Variants in STRC observed in about 807,000 individuals in gnomAD.
The protein encoded by STRC is stereocilin.
A neutral mutation model predicts 103.5 loss-of-function variants in STRC; 43 were observed. The ratio of observed to expected loss-of-function variants is 0.42; its 90% confidence interval spans 0.33 to 0.54. The LOEUF is 0.54. Among genes scored for constraint, STRC ranks in the 20% least tolerant of loss-of-function variants. STRC has a pLI of 0.14. For synonymous variants in STRC, 186 were observed against 442.3 expected, an observed-to-expected ratio of 0.42 and a Z score of 7.27; for missense variants, 499 against 1,088.5, an observed-to-expected ratio of 0.46 and a Z score of 7.62.
intron 18 of STRC, among the ~76,000 whole-genome samples, chr15:43,606,999 C>CAA (rs1366473498): frequency 2.3e-3 from 146 of 62,250 alleles, no homozygotes; most frequent in Non-Finnish European, 4.3e-3. Context: ...AACTCTGTCT[C>CAA]AAAAAAAAAA....
At chr15:43,602,680 T>G (rs1352713723) in intron 23 of STRC, 1 of 146,672 alleles carries the variant, frequency 6.8e-6, no homozygotes, top group African/African-American at 2.6e-5. Context: ...AGTCTTGCTC[T>G]GTCACCCAGG....
At position 43,600,568 on chromosome 15, in the gene STRC, C is replaced by T. The variant is rs200327107; in HGVS notation, c.4959G>A (p.Gly1653=). Residue 1653 remains glycine, a synonymous_variant, in exon 26 of 29, where the codon GGG becomes GGA. Transcript: ENST00000450892. ...PGGFGPISNW[G]PEIFTEIGTI... ...TGCCAATTTCAGTGAAGATCTCAGG[C>T]CCCCAGTTACTGATTGGGCCAAACC... 4 of 1,613,266 alleles carry T rather than the reference C, an allele frequency of 2.5e-6. No homozygotes were observed. The highest frequency in any genetic ancestry group is 2.5e-6 in the Non-Finnish European group (3 of 1,179,780).
At chr15:43,601,224 A>C (rs1413283576) in intron 24 of STRC, among the ~76,000 whole-genome samples, 172 bp downstream of exon 24, 1 of 151,908 alleles carries the variant, frequency 6.6e-6, no homozygotes, top group Non-Finnish European at 1.5e-5. Context: ...CCAGGGCCTC[A>C]GAGTGAATAA....
rs1475067342 is a variant in STRC at position 43,607,988 on chromosome 15, A to G, written c.3682-13T>C. 3 of 1,610,944 alleles carry G rather than the reference A, an allele frequency of 1.9e-6. No individual in the cohort carries two copies. The highest frequency in any genetic ancestry group is 2.5e-6 in the Non-Finnish European group (3 of 1,179,492). Reference sequence around the variant, plus strand: ...AGATACAGGCCCTCTGTAGGGAAGCAGTGTGAGGCCAGAGCAGAACATAGG... The same window carrying G: ...AGATACAGGCCCTCTGTAGGGAAGCGGTGTGAGGCCAGAGCAGAACATAGG... On this transcript the variant is annotated splice_polypyrimidine_tract_variant and intron_variant, in intron 17 of 28. Transcript: ENST00000450892.
Position 43,604,976 on chromosome 15 carries a change from C to A in STRC, c.3931-130G>T, listed in dbSNP as rs2085701666. 3.6e-6 allele frequency: 5 copies of A among 1,401,640 alleles called. No individual in the cohort carries two copies. The East Asian group carries it at 1.2e-4, about 35-fold the overall frequency. 86.8% of individuals were successfully genotyped at this position (1,401,640 alleles called of 1,614,324 possible). On this transcript the variant is annotated intron_variant, in intron 19 of 28. Transcript: ENST00000450892. ...GCTCAGCACCCTATGATGCTCACTA[C>A]CTTTGTTCACTTCCTTAAGCAATGA...
In STRC at chr15:43,603,889, T is replaced by C. The variant is rs1595958779; in HGVS notation, c.4375+107A>G. 4.4e-6 allele frequency: 7 copies of C among 1,573,662 alleles called. No homozygotes were observed. In the East Asian group the frequency reaches 6.8e-5, roughly 15 times the overall value. On this transcript the variant is annotated intron_variant, in intron 22 of 28. Coordinates refer to ENST00000450892, the MANE Select transcript of STRC (RefSeq NM_153700.2). ...AAGATCATCCCTCTAAACTCTTTGCTTTATAAATTAGAAAACCCAGTCCCA... is the reference window on the plus strand; with the variant it reads ...AAGATCATCCCTCTAAACTCTTTGCCTTATAAATTAGAAAACCCAGTCCCA...
In STRC at chr15:43,604,800, C is replaced by A. The variant is rs2085700366; in HGVS notation, c.3977G>T (p.Gly1326Val). 1 of 1,613,120 alleles carries A rather than the reference C, an allele frequency of 6.2e-7. No individual in the cohort carries two copies. The highest frequency in any genetic ancestry group is 8.5e-7 in the Non-Finnish European group (1 of 1,179,510). Residue 1326 changes from glycine (G) to valine (V), a missense_variant, in exon 20 of 29, where the codon GGC becomes GTC. By Grantham distance (109) the Gly-to-Val change is moderately radical. Coordinates refer to ENST00000450892, the MANE Select transcript of STRC (RefSeq NM_153700.2). ...PVSGEVLETLGPLVGFLGTES... is the reference protein window; with the variant it reads ...PVSGEVLETLVPLVGFLGTES... ...TGTCCCCAGGAATCCAACCAAAGGG[C>A]CTAAGGTCTCCAGCACTTCCCCTGA...
In STRC at chr15:43,604,069, C is replaced by T; in HGVS notation, c.4302G>A (p.Arg1434=). 2.5e-6 allele frequency: 4 copies of T among 1,613,354 alleles called. No homozygotes were observed. The highest frequency in any genetic ancestry group is 2.2e-5 in the East Asian group (1 of 44,860). ...CTTTCTTGGCAGCAAGCTGTGGCTC[C>T]CTACACAGCTGTCCAACTCTGCTCT... ...WEQSRVGQLC[R]EPQLAAKKAA... The change falls in exon 22 of 29, where the codon AGG becomes AGA. Residue 1434 remains arginine (R), a synonymous_variant. Transcript: ENST00000450892.
intron 16 of STRC, among the ~76,000 whole-genome samples, chr15:43,608,544 G>A: frequency 7.2e-6 from 1 of 138,940 alleles, no homozygotes; most frequent in Non-Finnish European, 1.6e-5. Flanking sequence ...TGGCCAAAAT[G>A]GTGAAACCCC....
At chr15:43,603,671 G>A in intron 22 of STRC, 1 of 631,364 alleles carries the variant, frequency 1.6e-6, no homozygotes, top group Non-Finnish European at 2.7e-6. Flanking sequence ...TTTGAACCCA[G>A]TTCTCCAGCC....
intron 23 of STRC, 62 bp from the exon 24 acceptor site, chr15:43,601,613 G>C: frequency 6.4e-7 from 1 of 1,569,288 alleles, no homozygotes; most frequent in East Asian, 2.2e-5. Context: ...ATACTGCTGG[G>C]TTTTAAGTCT....
Position 43,609,345 on chromosome 15 carries a change from A to G in STRC, c.3499-11T>C. The G allele has an allele frequency of 1.2e-6, 2 of 1,606,242 alleles. No homozygotes were observed. The highest frequency in any genetic ancestry group is 1.7e-6 in the Non-Finnish European group (2 of 1,177,352). Reference sequence around the variant, plus strand: ...CCAGAGAAACTGTGCCTACAAGAGAAAGAAAGACGAGCCCCTTCCCAGAAG... The same window carrying G: ...CCAGAGAAACTGTGCCTACAAGAGAGAGAAAGACGAGCCCCTTCCCAGAAG... On this transcript the variant is annotated splice_polypyrimidine_tract_variant and intron_variant, in intron 15 of 28. Coordinates refer to ENST00000450892, the MANE Select transcript of STRC (RefSeq NM_153700.2).
rs2085670473 is a variant in STRC at position 43,601,723 on chromosome 15, G to T, written c.4546-172C>A. On this transcript the variant is annotated intron_variant, in intron 23 of 28. Coordinates refer to ENST00000450892, the MANE Select transcript of STRC (RefSeq NM_153700.2). ...ACCGTTGCCTTACAGTTCCTCTAAGGTGTTTTGAAAGACATTACAATCAGT... is the reference window on the plus strand; with the variant it reads ...ACCGTTGCCTTACAGTTCCTCTAAGTTGTTTTGAAAGACATTACAATCAGT... 12 of 684,762 alleles carry T rather than the reference G, an allele frequency of 1.8e-5. No individual in the cohort carries two copies. The South Asian group carries it at 1.9e-4, about 11-fold the overall frequency. The allele number at this position is 684,762 out of a possible 1,614,324, so 42.4% of individuals were successfully genotyped here. A position where few individuals can be genotyped will look rare whatever the true frequency, so the allele number is the denominator to read the frequency against.
In STRC at chr15:43,617,026, AAT is replaced by A. The variant is rs2141530995; in HGVS notation, c.876-338_876-337del. ...TGTTAGGAAATCTGCTCAGCAACTC[AAT>A]ATGTCTAACTACTGTCTGGCATTGT... On this transcript the variant is annotated intron_variant, in intron 3 of 28. Transcript: ENST00000450892. Among the ~76,000 whole-genome samples the A allele has an allele frequency of 2.0e-5, 3 of 152,138 alleles. No homozygotes were observed. The East Asian group carries it at 5.8e-4, about 29-fold the overall frequency.
intron 15 of STRC, 30 bp from the exon 16 acceptor site, chr15:43,609,364 C>T: frequency 6.3e-7 from 1 of 1,592,838 alleles, no homozygotes; most frequent in South Asian, 1.1e-5. Flanking sequence ...GAGCCCCTTC[C>T]CAGAAGAGAC....
At chr15:43,610,687 A>G in intron 14 of STRC, 1 of 613,210 alleles carries the variant, frequency 1.6e-6, no homozygotes, top group Non-Finnish European at 2.8e-6. Context: ...TTCATCTGAA[A>G]GCAGGGTGGG....
At chr15:43,610,898 G>T in intron 14 of STRC, 21 bp downstream of exon 14, 1 of 1,609,414 alleles carries the variant, frequency 6.2e-7, no homozygotes, top group Non-Finnish European at 8.5e-7. Flanking sequence ...GAGGAGCTCA[G>T]TTGGGAGATC....
At position 43,609,005 on chromosome 15, in the gene STRC, C is replaced by T. The variant is rs567198086; in HGVS notation, c.3557+271G>A. Among the ~76,000 whole-genome samples, 130 of 148,860 alleles carry T rather than the reference C, an allele frequency of 8.7e-4. 3 individuals carry two copies. In the South Asian group the frequency reaches 0.025, roughly 29 times the overall value. On this transcript the variant is annotated intron_variant, in intron 16 of 28. Coordinates refer to ENST00000450892, the MANE Select transcript of STRC (RefSeq NM_153700.2). Reference sequence around the variant, plus strand: ...AAAGAAGGGAAAACTGACACAGGGACGTTAAATGACTTGCCCAAGAGGACA... The same window carrying T: ...AAAGAAGGGAAAACTGACACAGGGATGTTAAATGACTTGCCCAAGAGGACA...
At chr15:43,611,108 G>A (rs765748693) in intron 13 of STRC, 40 bp downstream of exon 13, 34 of 1,481,116 alleles carry the variant, frequency 2.3e-5, no homozygotes, top group South Asian at 4.7e-5. Flanking sequence ...AGAAAGAGCC[G>A]GTATCCCTGA....
Sources: gnomAD v4.1 joint callset for allele counts (sites outside exome capture counted in the v4.1 genomes callset) on GRCh38, gnomAD v4.1.1 for gene constraint, MANE v1.5 for transcripts, NCBI Gene and HGNC (gene_info 2026-07-23, HGNC 2026-07-21) for gene names.